The following HDAC9 variants were observed in gnomAD, a reference collection of about 807,000 sequenced individuals.
HDAC9 encodes the protein histone deacetylase 9, also known as MEF-2 interacting transcription repressor (MITR) protein.
A neutral mutation model predicts 139.4 loss-of-function variants in HDAC9; 41 were observed. That is an observed-to-expected ratio of 0.29 (90% CI 0.23 to 0.38). The LOEUF (loss-of-function observed/expected upper bound fraction) is 0.38. Among genes scored for constraint, HDAC9 ranks in the 10% least tolerant of loss-of-function variants. The probability of loss-of-function intolerance (pLI) is 1.00; values close to 1 mark genes in which losing one functional copy is unlikely to be tolerated. For missense variants in HDAC9, 1,147 were observed against 1,297.0 expected, an observed-to-expected ratio of 0.88 and a Z score of 1.78; for synonymous variants, 517 against 476.2, an observed-to-expected ratio of 1.09 and a Z score of -1.12.
chr7:18,875,855 C>T (rs1799282173), intron 22 of HDAC9, among the ~76,000 whole-genome samples: 1 of 151,992 alleles, frequency 6.6e-6, no homozygotes, highest in Admixed American at 6.6e-5. Flanking sequence ...TCTAAATAAA[C>T]AAAGACAAAG....
intron 1 of HDAC9, among the ~76,000 whole-genome samples, chr7:18,126,366 C>A (rs556962733): frequency 6.6e-6 from 1 of 151,974 alleles, no homozygotes; most frequent in Non-Finnish European, 1.5e-5. Flanking sequence ...GAATAGAGCA[C>A]GTGTTTTTTC....
At chr7:18,579,791 CTGTGTGTGTGTGTGTGTA>C (rs1433518968) in intron 2 of HDAC9, among the ~76,000 whole-genome samples, 1 of 150,232 alleles carries the variant, frequency 6.7e-6, no homozygotes, top group African/African-American at 2.4e-5. Context: ...TTTTCCATGC[CTGTGTGTGTGTGTGTGTA>C]TGTGTGTGTG....
intron 22 of HDAC9, among the ~76,000 whole-genome samples, chr7:18,882,645 CAA>C (rs11394184): frequency 5.5e-5 from 7 of 127,984 alleles, no homozygotes; most frequent in Admixed American, 2.4e-4. Flanking sequence ...CCTAATCAGC[CAA>C]AAAAAAAAAA....
intron 12 of HDAC9, among the ~76,000 whole-genome samples, chr7:18,701,407 CA>C (rs368269396): frequency 8.5e-6 from 1 of 117,662 alleles, no homozygotes; most frequent in African/African-American, 3.4e-5. Flanking sequence ...TAAAAAAAAA[CA>C]AAACAAACAA....
chr7:18,747,240 A>G lies in HDAC9; in HGVS notation c.1910-1765A>G, dbSNP rs1584964828. On this transcript the variant is annotated intron_variant, in intron 13 of 25. Coordinates refer to ENST00000686413, the MANE Select transcript of HDAC9 (RefSeq NM_178425.4). ...TCAGTCTCTTTAGTGAAGGCCCTGAAGGATTTAAACAGAAGAGGCGACTGT... is the reference window on the plus strand; with the variant it reads ...TCAGTCTCTTTAGTGAAGGCCCTGAGGGATTTAAACAGAAGAGGCGACTGT... Among the ~76,000 whole-genome samples the G allele has an allele frequency of 2.0e-5, 3 of 152,228 alleles. No homozygotes were observed. In the South Asian group the frequency reaches 6.2e-4, roughly 32 times the overall value.
intron 2 of HDAC9, among the ~76,000 whole-genome samples, chr7:18,498,542 C>A (rs1295079549): frequency 6.6e-6 from 1 of 152,062 alleles, no homozygotes; most frequent in African/African-American, 2.4e-5. Flanking sequence ...AATTTAGCTA[C>A]AAATCTTGTT....
intron 2 of HDAC9, among the ~76,000 whole-genome samples, chr7:18,538,146 T>A (rs1811499423): frequency 6.6e-6 from 1 of 152,202 alleles, no homozygotes. Flanking sequence ...TCACCCTGAA[T>A]TCATTTTCTG....
intron 1 of HDAC9, among the ~76,000 whole-genome samples, chr7:18,400,270 G>A (rs571374311): frequency 2.6e-4 from 40 of 152,334 alleles, no homozygotes; most frequent in African/African-American, 7.9e-4. Flanking sequence ...AGCATGCGAT[G>A]TGTAGGTGTG....
intron 12 of HDAC9, among the ~76,000 whole-genome samples, chr7:18,709,585 T>C (rs1363710024): frequency 1.3e-5 from 2 of 152,218 alleles, no homozygotes; most frequent in African/African-American, 4.8e-5. Flanking sequence ...CCAAATATTA[T>C]AGCTTAATTC....
At chr7:18,309,658 A>G (rs568833014) in intron 1 of HDAC9, among the ~76,000 whole-genome samples, 1 of 152,296 alleles carries the variant, frequency 6.6e-6, no homozygotes. Context: ...TTATTGTTCT[A>G]TAAGCAAACC....
chr7:18,153,979 C>T (rs1188030364), intron 1 of HDAC9, among the ~76,000 whole-genome samples: 1 of 152,274 alleles, frequency 6.6e-6, no homozygotes, highest in African/African-American at 2.4e-5. Flanking sequence ...GTGAGTAAAA[C>T]GATCAGTGAT....
chr7:18,527,557 T>C (rs1408508400), intron 2 of HDAC9, among the ~76,000 whole-genome samples: 1 of 152,148 alleles, frequency 6.6e-6, no homozygotes, highest in Non-Finnish European at 1.5e-5. Context: ...TTTATCTAAA[T>C]TAGCATTCAC....
chr7:18,877,296 C>T (rs1799391692), intron 22 of HDAC9, among the ~76,000 whole-genome samples: 1 of 152,114 alleles, frequency 6.6e-6, no homozygotes, highest in African/African-American at 2.4e-5. Context: ...TTCTAACCAC[C>T]TGGCAGATGC....
At chr7:18,086,936 T>C (rs577554457), upstream of HDAC9, 1 of 137,742 alleles carries the variant, frequency 7.3e-6, no homozygotes, top group Non-Finnish European at 1.6e-5. Context: ...CGGCGGCGCG[T>C]CCCGCACATC....
chr7:18,801,963 C>A (rs1044078140), intron 17 of HDAC9, among the ~76,000 whole-genome samples: 3 of 151,866 alleles, frequency 2.0e-5, no homozygotes, highest in African/African-American at 7.2e-5. Flanking sequence ...TTTTCTTGAT[C>A]AACTCTGTCA....
intron 12 of HDAC9, among the ~76,000 whole-genome samples, chr7:18,693,691 A>T (rs1234425156): frequency 2.6e-5 from 4 of 152,144 alleles, no homozygotes; most frequent in Admixed American, 2.6e-4. Context: ...GTCTTAGTCG[A>T]AATAACCTCT....
chr7:18,578,106 A>G (rs1459605735), intron 2 of HDAC9: 3 of 518,656 alleles, frequency 5.8e-6, no homozygotes, highest in Non-Finnish European at 1.2e-5. Flanking sequence ...GCTCTGCTCC[A>G]GACCTAGCAG....
At chr7:18,609,851 G>C (rs995956016) in intron 6 of HDAC9, among the ~76,000 whole-genome samples, 1 of 146,606 alleles carries the variant, frequency 6.8e-6, no homozygotes, top group African/African-American at 2.5e-5. Flanking sequence ...TCATTGTTCA[G>C]TTCCCACCTA....
At chr7:18,845,302 G>C (rs900215390) in intron 21 of HDAC9, among the ~76,000 whole-genome samples, 20 of 152,168 alleles carry the variant, frequency 1.3e-4, no homozygotes, top group African/African-American at 4.8e-4. Context: ...GGGAGAGAGA[G>C]GGTGAGTCTG....
Sources: gnomAD v4.1 joint callset for allele counts (sites outside exome capture counted in the v4.1 genomes callset) on GRCh38, gnomAD v4.1.1 for gene constraint, MANE v1.5 for transcripts, NCBI Gene and HGNC (gene_info 2026-07-23, HGNC 2026-07-21) for gene names.